Variants in FOXI2 observed in about 807,000 individuals in gnomAD.
The protein encoded by FOXI2 is forkhead box protein I2.
FOXI2 carries 17 observed loss-of-function variants against 14.3 expected under a neutral mutation model. That is an observed-to-expected ratio of 1.19 (90% CI 0.81 to 1.78). FOXI2 has a LOEUF of 1.78. FOXI2 is among the 40% of genes most tolerant of loss of function. The probability of loss-of-function intolerance (pLI) is 0.00; values close to 1 mark genes in which losing one functional copy is unlikely to be tolerated. For missense variants in FOXI2, 541 were observed against 460.0 expected, an observed-to-expected ratio of 1.18 and a Z score of -1.61; for synonymous variants, 240 against 218.8, an observed-to-expected ratio of 1.10 and a Z score of -0.85.
At position 127,737,773 on chromosome 10, in the gene FOXI2, A is replaced by T; in HGVS notation, c.500A>T (p.Glu167Val). 6.2e-7 allele frequency: 1 copy of T among 1,610,696 alleles called. No individual in the cohort carries two copies. Among genetic ancestry groups the T allele is most frequent in the Non-Finnish European group, 8.5e-7 (1 of 1,178,482 alleles). Reference sequence around the variant, plus strand: ...TGCTTCAAGAAGGTGCCCCGCGACGAGGACGACCCAGGTAACAGCGGCGCG... The same window carrying T: ...TGCTTCAAGAAGGTGCCCCGCGACGTGGACGACCCAGGTAACAGCGGCGCG... ...NDCFKKVPRD[E>V]DDPGKGNYWT... Residue 167 changes from glutamate to valine, a missense_variant, in exon 1 of 2, where the codon GAG becomes GTG. Coordinates refer to ENST00000388920, the MANE Select transcript of FOXI2 (RefSeq NM_207426.3).
chr10:127,739,142 G>T lies in FOXI2; in HGVS notation c.*177G>T, dbSNP rs1846459233. On this transcript the variant is annotated 3_prime_UTR_variant, in exon 2 of 2. Coordinates refer to ENST00000388920, the MANE Select transcript of FOXI2 (RefSeq NM_207426.3). ...GGGCTGAGCGGCTCTTGGGCTTTGG[G>T]GTGGGTGGCCCTTCTGCTGTGCACC... The T allele has an allele frequency of 1.7e-6, 1 of 602,872 alleles. No homozygotes were observed. The highest frequency in any genetic ancestry group is 2.1e-5 in the South Asian group (1 of 48,556). The allele number at this position is 602,872 out of a possible 1,614,324, so 37.3% of individuals were successfully genotyped here.
Position 127,738,898 on chromosome 10 carries a change from A to T in FOXI2, c.890A>T (p.His297Leu). 1 of 1,605,440 alleles carries T rather than the reference A, an allele frequency of 6.2e-7. No individual in the cohort carries two copies. Among genetic ancestry groups the T allele is most frequent in the Non-Finnish European group, 8.5e-7 (1 of 1,179,408 alleles). Residue 297 changes from histidine (H) to leucine (L), a missense_variant, in exon 2 of 2, where the codon CAC becomes CTC. Physicochemically the swap from His to Leu is moderately conservative, Grantham distance 99. Transcript: ENST00000388920. The part of the protein sequence containing the change: ...LNPSPGFAPG[H>L]QTAAAGFRLS... ...CCCTCCCCTGGCTTCGCCCCTGGCC[A>T]CCAGACCGCGGCCGCCGGCTTCCGC...
Position 127,737,575 on chromosome 10 carries a change from T to C in FOXI2, c.302T>C (p.Val101Ala), listed in dbSNP as rs778494055. 2 of 1,547,466 alleles carry C rather than the reference T, an allele frequency of 1.3e-6. No individual in the cohort carries two copies. The highest frequency in any genetic ancestry group is 2.5e-5 in the East Asian group (1 of 40,740). ...LSGQQELLRLVRPPYSYSALI... is the reference protein window; with the variant it reads ...LSGQQELLRLARPPYSYSALI... The stretch of plus-strand genomic sequence containing the variant: ...GGCCAGCAGGAGCTGCTGAGGCTGG[T>C]GCGGCCGCCCTACTCCTACTCGGCG... Residue 101 changes from valine to alanine, a missense_variant, in exon 1 of 2, where the codon GTG becomes GCG. Val to Ala is a moderately conservative substitution (Grantham distance 64). Coordinates refer to ENST00000388920, the MANE Select transcript of FOXI2 (RefSeq NM_207426.3).
In FOXI2 at chr10:127,739,725, G is replaced by A. The variant is rs1846469832; in HGVS notation, c.*760G>A. ...GGCCCCGCCACCACTGACCACAGGA[G>A]CGGTGCCCAGCACCCAGGAGTTCCC... On this transcript the variant is annotated 3_prime_UTR_variant, in exon 2 of 2. Coordinates refer to ENST00000388920, the MANE Select transcript of FOXI2 (RefSeq NM_207426.3). 6.6e-6 allele frequency: 1 copy of A among 151,702 alleles called. No individual in the cohort carries two copies. The highest frequency in any genetic ancestry group is 2.4e-5 in the African/African-American group (1 of 41,170). 9.4% of individuals were successfully genotyped at this position (151,702 alleles called of 1,614,324 possible). A position where few individuals can be genotyped will look rare whatever the true frequency, so the allele number is the denominator to read the frequency against.
Position 127,738,598 on chromosome 10 carries a change from G to A in FOXI2, c.590G>A (p.Arg197Lys). ...DNGNFRRKRK[R>K]RAEASAAVRS... ...GGGAACTTCCGAAGGAAGAGGAAGA[G>A]GAGAGCTGAAGCCAGCGCGGCCGTG... Residue 197 changes from arginine (R) to lysine (K), a missense_variant, in exon 2 of 2, where the codon AGG (arginine) becomes AAG (lysine). By Grantham distance (26) the Arg-to-Lys change is conservative. Transcript: ENST00000388920. 6.2e-7 allele frequency: 1 copy of A among 1,611,480 alleles called. No individual in the cohort carries two copies. The highest frequency in any genetic ancestry group is 8.5e-7 in the Non-Finnish European group (1 of 1,178,858).
rs142402926 is a variant in FOXI2 at position 127,740,792 on chromosome 10, G to GGT, written c.*1843_*1844dup. On this transcript the variant is annotated 3_prime_UTR_variant, in exon 2 of 2. Coordinates refer to ENST00000388920, the MANE Select transcript of FOXI2 (RefSeq NM_207426.3). ...TCATCATGGCCCTGCTGAAGAGTGA[G>GGT]GTGTGTGTGTGTGTGTGCGTGTGTG... 8.8e-4 allele frequency: 134 copies of GGT among 151,418 alleles called. No homozygotes were observed. The highest frequency in any genetic ancestry group is 3.8e-3 in the South Asian group (18 of 4,792). The allele number at this position is 151,418 out of a possible 1,614,324, so 9.4% of individuals were successfully genotyped here.
In FOXI2 at chr10:127,737,499, G is replaced by T. The variant is rs1241829314; in HGVS notation, c.226G>T (p.Gly76Cys). Residue 76 changes from glycine (G) to cysteine (C), a missense_variant, in exon 1 of 2, where the codon GGC becomes TGC. Coordinates refer to ENST00000388920, the MANE Select transcript of FOXI2 (RefSeq NM_207426.3). ...PSYGAPGPLL[G>C]APGGLAGADL... is the part of the protein sequence containing the mutation. ...CTACGGGGCTCCCGGCCCGCTCCTC[G>T]GCGCCCCGGGCGGCCTGGCGGGCGC... The T allele has an allele frequency of 7.1e-7, 1 of 1,398,698 alleles. No homozygotes were observed. Among genetic ancestry groups the T allele is most frequent in the Non-Finnish European group, 9.2e-7 (1 of 1,087,214 alleles). The allele number at this position is 1,398,698 out of a possible 1,614,324, so 86.6% of individuals were successfully genotyped here. A position where few individuals can be genotyped will look rare whatever the true frequency, so the allele number is the denominator to read the frequency against.
In FOXI2 at chr10:127,737,195, G is replaced by A; in HGVS notation, c.-79G>A. On this transcript the variant is annotated 5_prime_UTR_variant, in exon 1 of 2. Coordinates refer to ENST00000388920, the MANE Select transcript of FOXI2 (RefSeq NM_207426.3). ...TGGGCCGGGCTGGTCGCACCCGGGC[G>A]CTGCTGGCGGCCAAGCTGGATGGGT... 7.1e-7 allele frequency: 1 copy of A among 1,405,126 alleles called. No homozygotes were observed. 87.0% of individuals were successfully genotyped at this position (1,405,126 alleles called of 1,614,324 possible).
rs1846428596 is a variant in FOXI2, at chr10:127,737,350, G to A, written c.77G>A (p.Gly26Asp). 7.0e-7 allele frequency: 1 copy of A among 1,425,288 alleles called. No individual in the cohort carries two copies. Among genetic ancestry groups the A allele is most frequent in the Non-Finnish European group, 9.1e-7 (1 of 1,104,840 alleles). The allele number at this position is 1,425,288 out of a possible 1,614,324, so 88.3% of individuals were successfully genotyped here. ...GCCCAGGCCACCGCGCACCCCCCGGGCTATGAGCCAGGGGATCTGGGCGCG... is the reference window on the plus strand; with the variant it reads ...GCCCAGGCCACCGCGCACCCCCCGGACTATGAGCCAGGGGATCTGGGCGCG... Reference protein sequence around the residue: ...GQAQATAHPPGYEPGDLGAVG... With the variant: ...GQAQATAHPPDYEPGDLGAVG... Residue 26 changes from glycine to aspartate, a missense_variant, in exon 1 of 2, where the codon GGC becomes GAC. Transcript: ENST00000388920.
chr10:127,739,839 T>TCACCCC lies in FOXI2; in HGVS notation c.*877_*878insCCCCAC, dbSNP rs1554874394. The TCACCCC allele has an allele frequency of 2.7e-5, 2 of 74,228 alleles. No homozygotes were observed. The highest frequency in any genetic ancestry group is 2.5e-5 in the Non-Finnish European group (1 of 40,296). 4.6% of individuals were successfully genotyped at this position (74,228 alleles called of 1,614,324 possible). A position where few individuals can be genotyped will look rare whatever the true frequency, so the allele number is the denominator to read the frequency against. Reference sequence around the variant, plus strand: ...CCCACACCCACACCCACACCCACACTCACACTCACACTCACACCCACACTC... The same window carrying TCACCCC: ...CCCACACCCACACCCACACCCACACTCACCCCCACACTCACACTCACACCCACACTC... On this transcript the variant is annotated 3_prime_UTR_variant, in exon 2 of 2. Coordinates refer to ENST00000388920, the MANE Select transcript of FOXI2 (RefSeq NM_207426.3).
At chr10:127,737,859 G>A in intron 1 of FOXI2, 75 bp downstream of exon 1, 3 of 1,550,022 alleles carry the variant, frequency 1.9e-6, no homozygotes, top group African/African-American at 1.4e-5. Context: ...TCCGGGGGTG[G>A]GAGCACCTTA....
rs1462772800 is a variant in FOXI2 at position 127,739,847 on chromosome 10, A to ACACT, written c.*886_*889dup. The ACACT allele has an allele frequency of 8.6e-6, 1 of 115,760 alleles. No homozygotes were observed. The highest frequency in any genetic ancestry group is 1.7e-5 in the Non-Finnish European group (1 of 57,534). 7.2% of individuals were successfully genotyped at this position (115,760 alleles called of 1,614,324 possible). A position where few individuals can be genotyped will look rare whatever the true frequency, so the allele number is the denominator to read the frequency against. Reference sequence around the variant, plus strand: ...CACACCCACACCCACACTCACACTCACACTCACACCCACACTCACACCCAC... The same window carrying ACACT: ...CACACCCACACCCACACTCACACTCACACTCACTCACACCCACACTCACACCCAC... On this transcript the variant is annotated 3_prime_UTR_variant, in exon 2 of 2. Transcript: ENST00000388920.
In FOXI2 at chr10:127,737,600, G is replaced by A. The variant is rs758107251; in HGVS notation, c.327G>A (p.Ala109=). ...TGCGGCCGCCCTACTCCTACTCGGC[G>A]CTCATCGCCATGGCCATCCAGAGCG... ...RLVRPPYSYS[A]LIAMAIQSAP... The change falls in exon 1 of 2, where the codon GCG becomes GCA. Residue 109 remains alanine, a synonymous_variant. Coordinates refer to ENST00000388920, the MANE Select transcript of FOXI2 (RefSeq NM_207426.3). 1.9e-6 allele frequency: 3 copies of A among 1,555,394 alleles called. No homozygotes were observed. The highest frequency in any genetic ancestry group is 1.7e-4 in the Middle Eastern group (1 of 5,998).
In FOXI2 at chr10:127,737,408, G is replaced by C; in HGVS notation, c.135G>C (p.Ala45=). The change falls in exon 1 of 2, where the codon GCG becomes GCC. Residue 45 remains alanine (A), a synonymous_variant. Transcript: ENST00000388920. ...VGGGPLLWVN[A]PALSPKSYAS... Reference sequence around the variant, plus strand: ...GGGGCCCCCTCCTGTGGGTGAACGCGCCAGCGCTCAGCCCCAAGTCCTACG... The same window carrying C: ...GGGGCCCCCTCCTGTGGGTGAACGCCCCAGCGCTCAGCCCCAAGTCCTACG... The C allele has an allele frequency of 1.4e-6, 2 of 1,385,058 alleles. No homozygotes were observed. The highest frequency in any genetic ancestry group is 6.1e-5 in the East Asian group (2 of 32,726). 85.8% of individuals were successfully genotyped at this position (1,385,058 alleles called of 1,614,324 possible). A position where few individuals can be genotyped will look rare whatever the true frequency, so the allele number is the denominator to read the frequency against.
In FOXI2 at chr10:127,740,399, C is replaced by T. The variant is rs904297656; in HGVS notation, c.*1434C>T. On this transcript the variant is annotated 3_prime_UTR_variant, in exon 2 of 2. Transcript: ENST00000388920. Reference sequence around the variant, plus strand: ...TATCTTTGTGAAGGACAAGGAGCCCCCAGTCACTGGGAAGAGGAATTTTTT... The same window carrying T: ...TATCTTTGTGAAGGACAAGGAGCCCTCAGTCACTGGGAAGAGGAATTTTTT... The T allele has an allele frequency of 6.6e-6, 1 of 152,236 alleles. No homozygotes were observed. Among genetic ancestry groups the T allele is most frequent in the Non-Finnish European group, 1.5e-5 (1 of 68,120 alleles). The allele number at this position is 152,236 out of a possible 1,614,324, so 9.4% of individuals were successfully genotyped here. A position where few individuals can be genotyped will look rare whatever the true frequency, so the allele number is the denominator to read the frequency against.
rs1187851656 is a variant in FOXI2, at chr10:127,740,123, A to G, written c.*1158A>G. On this transcript the variant is annotated 3_prime_UTR_variant, in exon 2 of 2. Transcript: ENST00000388920. ...ACACCCACACTCACACCACACTCAC[A>G]CCCACACACACCCACACTCATACTC... 2.5e-5 allele frequency: 1 copy of G among 40,356 alleles called. No homozygotes were observed. The highest frequency in any genetic ancestry group is 7.3e-5 in the African/African-American group (1 of 13,660). The allele number at this position is 40,356 out of a possible 1,614,324, so 2.5% of individuals were successfully genotyped here.
Position 127,738,500 on chromosome 10 carries a change from G to A in FOXI2, c.512-20G>A, listed in dbSNP as rs1846445493. On this transcript the variant is annotated intron_variant, in intron 1 of 1. Transcript: ENST00000388920. ...GTCAAAGCTCGAACCTTCTGAACTG[G>A]GCTGTTTCTTCTTCTGCAGGTAAAG... The A allele has an allele frequency of 6.3e-7, 1 of 1,593,268 alleles. No homozygotes were observed. The highest frequency in any genetic ancestry group is 1.1e-5 in the South Asian group (1 of 88,728).
rs1300213017 is a variant in FOXI2 at position 127,738,787 on chromosome 10, G to A, written c.779G>A (p.Gly260Asp). 6.2e-6 allele frequency: 10 copies of A among 1,606,134 alleles called. No homozygotes were observed. The highest frequency in any genetic ancestry group is 8.5e-6 in the Non-Finnish European group (10 of 1,177,150). ...ATGAGCGCTCTGGCTGGCGGCCTTG[G>A]CACCTTCCCCGGGGGCCTGGCGGGC... Reference protein sequence around the residue: ...SAMSALAGGLGTFPGGLAGDF... With the variant: ...SAMSALAGGLDTFPGGLAGDF... Residue 260 changes from glycine (G) to aspartate (D), a missense_variant, in exon 2 of 2, where the codon GGC becomes GAC. Physicochemically the swap from Gly to Asp is moderately conservative, Grantham distance 94. Coordinates refer to ENST00000388920, the MANE Select transcript of FOXI2 (RefSeq NM_207426.3).
At position 127,740,815 on chromosome 10, in the gene FOXI2, G is replaced by A. The variant is rs1348550816; in HGVS notation, c.*1850G>A. 6.6e-6 allele frequency: 1 copy of A among 152,456 alleles called. No individual in the cohort carries two copies. Among genetic ancestry groups the A allele is most frequent in the African/African-American group, 2.4e-5 (1 of 41,432 alleles). The allele number at this position is 152,456 out of a possible 1,614,324, so 9.4% of individuals were successfully genotyped here. A position where few individuals can be genotyped will look rare whatever the true frequency, so the allele number is the denominator to read the frequency against. On this transcript the variant is annotated 3_prime_UTR_variant, in exon 2 of 2. Coordinates refer to ENST00000388920, the MANE Select transcript of FOXI2 (RefSeq NM_207426.3). ...GAGGTGTGTGTGTGTGTGTGCGTGT[G>A]TGCGTAAGACAGAGAGGGAGGGAGA...
Sources: allele counts gnomAD v4.1 joint callset, GRCh38; gene constraint gnomAD v4.1.1; transcripts MANE v1.5; gene names NCBI Gene and HGNC (gene_info 2026-07-23, HGNC 2026-07-21).